Variants in FGF14 observed in about 807,000 individuals in gnomAD.
FGF14 encodes the protein fibroblast growth factor homologous factor 4.
FGF14 carries 5 observed loss-of-function variants against 25.5 expected under a neutral mutation model. The ratio of observed to expected loss-of-function variants is 0.20; its 90% CI spans 0.10 to 0.41. The LOEUF (loss-of-function observed/expected upper bound fraction) is 0.41. FGF14 is among the 10% of genes least tolerant of loss of function. FGF14 has a pLI of 1.00. For missense variants in FGF14, 222 were observed against 320.1 expected (o/e 0.69, Z 2.34); for synonymous variants, 138 against 118.3 (o/e 1.17, Z -1.08).
intron 1 of FGF14, among the ~76,000 whole-genome samples, chr13:102,166,151 C>A (rs2047997027): frequency 1.3e-5 from 2 of 149,638 alleles, no homozygotes; most frequent in Admixed American, 6.7e-5. Context: ...TTTGACTACT[C>A]TAGGTATGTA....
intron 1 of FGF14, among the ~76,000 whole-genome samples, chr13:102,238,149 T>C (rs2051415301): frequency 6.6e-6 from 1 of 152,198 alleles, no homozygotes; most frequent in Non-Finnish European, 1.5e-5. Flanking sequence ...ATTTGTATTG[T>C]AAAGGCTGCA....
chr13:102,057,862 G>C (rs1324175703), intron 1 of FGF14, among the ~76,000 whole-genome samples: 1 of 152,142 alleles, frequency 6.6e-6, no homozygotes, highest in Admixed American at 6.5e-5. Context: ...GTTAATTCTT[G>C]AAGTGTCTTA....
rs201133203 is a variant in FGF14, at chr13:101,916,518, T to C, written c.128A>G (p.Asn43Ser). Residue 43 changes from asparagine (N) to serine (S), a missense_variant, in exon 1 of 5, where the codon AAC (asparagine) becomes AGC (serine). Asn to Ser is a conservative substitution (Grantham distance 46). Coordinates refer to ENST00000376143, the MANE Select transcript of FGF14 (RefSeq NM_004115.4). Reference sequence around the variant, plus strand: ...CACTTTGGAGAAGATATCCACCAGGTTGCCGTTGCAGAGCCCGCGGTTCTT... The same window carrying C: ...CACTTTGGAGAAGATATCCACCAGGCTGCCGTTGCAGAGCCCGCGGTTCTT... ...PSKNRGLCNG[N>S]LVDIFSKVRI... The C allele has an allele frequency of 1.4e-5, 23 of 1,613,868 alleles. No homozygotes were observed. The Admixed American group carries it at 3.0e-4, about 21-fold the overall frequency.
At position 101,718,565 on chromosome 13, in the gene FGF14, A is replaced by AATC. The variant is rs55804369; in HGVS notation, c.*4263_*4265dup. The AATC allele has an allele frequency of 6.6e-5, 10 of 151,564 alleles. No individual in the cohort carries two copies. The highest frequency in any genetic ancestry group is 1.0e-4 in the Non-Finnish European group (7 of 67,932). The allele number at this position is 151,564 out of a possible 1,614,324, so 9.4% of individuals were successfully genotyped here. A position where few individuals can be genotyped will look rare whatever the true frequency, so the allele number is the denominator to read the frequency against. ...TGGCACTAACGCTGCTTGTTTGGCA[A>AATC]ATCATCATCACTGAGGTATTCCACC... is the stretch of plus-strand genomic sequence containing the variant. On this transcript the variant is annotated 3_prime_UTR_variant, in exon 5 of 5. Transcript: ENST00000376143.
chr13:101,823,883 A>C (rs951488967), intron 3 of FGF14, among the ~76,000 whole-genome samples: 7 of 147,792 alleles, frequency 4.7e-5, no homozygotes, highest in Admixed American at 4.1e-4. Flanking sequence ...TATATTAAAA[A>C]TCCTATATGG....
chr13:101,910,686 G>C (rs1181982599), intron 1 of FGF14, among the ~76,000 whole-genome samples: 7 of 152,144 alleles, frequency 4.6e-5, no homozygotes, highest in African/African-American at 1.7e-4. Flanking sequence ...AACAGCAAAT[G>C]GTGACATTTT....
chr13:101,902,665 C>T (rs559231707), intron 1 of FGF14, among the ~76,000 whole-genome samples: 1 of 152,248 alleles, frequency 6.6e-6, no homozygotes, highest in Admixed American at 6.5e-5. Context: ...TTCCTGAAGC[C>T]ATAAAGCAAT....
intron 1 of FGF14, among the ~76,000 whole-genome samples, chr13:102,344,057 T>C (rs1281069392): frequency 6.6e-6 from 1 of 152,210 alleles, no homozygotes; most frequent in Non-Finnish European, 1.5e-5. Context: ...AGTAAAGTTA[T>C]TAAGTTAGCA....
At chr13:101,988,011 T>C (rs1566538264) in intron 1 of FGF14, among the ~76,000 whole-genome samples, 1 of 151,974 alleles carries the variant, frequency 6.6e-6, no homozygotes, top group East Asian at 1.9e-4. Flanking sequence ...CATAGAAAAA[T>C]AATATTTCTT....
At chr13:102,040,516 A>G (rs1425451680) in intron 1 of FGF14, among the ~76,000 whole-genome samples, 6 of 152,182 alleles carry the variant, frequency 3.9e-5, no homozygotes, top group African/African-American at 1.4e-4. Context: ...TGACTTACAC[A>G]TCTGTAAACT....
chr13:102,401,992 A>C, upstream of FGF14: 1 of 422,810 alleles, frequency 2.4e-6, no homozygotes, highest in South Asian at 2.4e-5. Flanking sequence ...CAGAAGGCAA[A>C]GCAGGATTCA....
At chr13:102,010,967 T>C (rs2040048303) in intron 1 of FGF14, among the ~76,000 whole-genome samples, 2 of 152,180 alleles carry the variant, frequency 1.3e-5, no homozygotes, top group African/African-American at 4.8e-5. Flanking sequence ...AATCAGAATA[T>C]GCTAAATTTA....
chr13:102,286,230 A>C (rs4772461), intron 1 of FGF14, among the ~76,000 whole-genome samples: 119,013 of 151,678 alleles, frequency 0.78, 47,522 homozygotes, highest in African/African-American at 0.94. Context: ...AGCACTAACT[A>C]TTTAGCACCA....
chr13:102,015,468 T>C (rs1254062098), intron 1 of FGF14, among the ~76,000 whole-genome samples: 1 of 152,208 alleles, frequency 6.6e-6, no homozygotes, highest in Non-Finnish European at 1.5e-5. Flanking sequence ...ATGTATACTA[T>C]CAATTATACA....
intron 1 of FGF14, among the ~76,000 whole-genome samples, chr13:102,126,136 T>C (rs576862777): frequency 6.6e-6 from 1 of 151,674 alleles, no homozygotes; most frequent in African/African-American, 2.4e-5. Flanking sequence ...ATTCAGAACA[T>C]TGTACAACCA....
intron 1 of FGF14, among the ~76,000 whole-genome samples, chr13:102,042,386 A>T (rs1178806552): frequency 2.0e-5 from 3 of 152,204 alleles, no homozygotes; most frequent in Non-Finnish European, 2.9e-5. Context: ...GTGAATTGAG[A>T]AGGTCGTAAT....
chr13:101,724,597 AATATAT>A (rs201033233), intron 4 of FGF14, among the ~76,000 whole-genome samples: 31,338 of 120,956 alleles, frequency 0.26, 4,150 homozygotes, highest in East Asian at 0.38. Flanking sequence ...ATAATAATAA[AATATAT>A]ATATATATAT....
intron 1 of FGF14, among the ~76,000 whole-genome samples, chr13:102,296,517 T>C (rs1566912337): frequency 6.6e-6 from 1 of 152,138 alleles, no homozygotes; most frequent in African/African-American, 2.4e-5. Flanking sequence ...TTTTGCTAAG[T>C]GCACTTAAGA....
chr13:102,110,977 C>A (rs9300713), intron 1 of FGF14, among the ~76,000 whole-genome samples: 89,115 of 152,054 alleles, frequency 0.59, 26,932 homozygotes, highest in African/African-American at 0.67. Flanking sequence ...CTGACAGAGG[C>A]GGCCTTGAAG....
Sources: allele counts gnomAD v4.1 joint callset (sites outside exome capture counted in the v4.1 genomes callset), GRCh38; gene constraint gnomAD v4.1.1; transcripts MANE v1.5; gene names NCBI Gene and HGNC (gene_info 2026-07-23, HGNC 2026-07-21).